The following IQGAP2 variants were observed in gnomAD, a reference collection of about 807,000 sequenced individuals.
IQGAP2 encodes the protein IQ motif containing GTPase activating protein 2.
In IQGAP2, 173 loss-of-function variants were observed where a neutral mutation model predicts 201.3. The ratio of observed to expected loss-of-function variants is 0.86; its 90% confidence interval spans 0.76 to 0.98. The LOEUF (loss-of-function observed/expected upper bound fraction) is 0.98, where lower values mean the gene tolerates loss of function less well. Ranked by LOEUF, IQGAP2 falls within the 50% of genes least tolerant of loss-of-function variation. The probability of loss-of-function intolerance (pLI) is 0.00; values close to 1 mark genes in which losing one functional copy is unlikely to be tolerated. For missense variants in IQGAP2, 1,687 were observed against 1,864.8 expected (o/e 0.90, Z 1.76); for synonymous variants, 675 against 673.9 (o/e 1.00, Z -0.03).
rs113081724 is a variant in IQGAP2 at position 76,642,485 on chromosome 5, C to T, written c.2094+1382C>T. Among the ~76,000 whole-genome samples the T allele has an allele frequency of 1.2e-4, 18 of 152,212 alleles. 1 individual carries two copies. Among genetic ancestry groups the T allele is most frequent in the African/African-American group, 4.3e-4 (18 of 41,532 alleles). On this transcript the variant is annotated intron_variant, in intron 17 of 35. Coordinates refer to ENST00000274364, the MANE Select transcript of IQGAP2 (RefSeq NM_006633.5). ...TTTTTTTCAGTCTTCTGACAATTTTCCAAAACAGAGGGCATGAGGCCTAAA... is the reference window on the plus strand; with the variant it reads ...TTTTTTTCAGTCTTCTGACAATTTTTCAAAACAGAGGGCATGAGGCCTAAA...
chr5:76,645,524 G>A (rs976408325), intron 17 of IQGAP2, among the ~76,000 whole-genome samples: 1 of 152,106 alleles, frequency 6.6e-6, no homozygotes, highest in Non-Finnish European at 1.5e-5. Flanking sequence ...GTTTCCTGAC[G>A]TTTTAATGAT....
Position 76,492,947 on chromosome 5 carries a change from T to C in IQGAP2, c.146+31278T>C, listed in dbSNP as rs150969679. On this transcript the variant is annotated intron_variant, in intron 2 of 35. Coordinates refer to ENST00000274364, the MANE Select transcript of IQGAP2 (RefSeq NM_006633.5). ...CCATAGGAGGTGATAAGGATGCTGG[T>C]TGACTGATATGCGTACCAGCATAGT... 3.9e-3 allele frequency among the ~76,000 whole-genome samples: 589 copies of C among 152,314 alleles called. 6 individuals are homozygous for C. Among genetic ancestry groups the C allele is most frequent in the African/African-American group, 0.013 (545 of 41,568 alleles).
At chr5:76,502,303 T>G (rs911746078) in intron 2 of IQGAP2, among the ~76,000 whole-genome samples, 2 of 152,234 alleles carry the variant, frequency 1.3e-5, no homozygotes, top group African/African-American at 4.8e-5. Context: ...GAAGTATGGC[T>G]GTTATTAAGT....
At chr5:76,580,335 G>A (rs954537473) in intron 5 of IQGAP2, among the ~76,000 whole-genome samples, 4 of 151,192 alleles carry the variant, frequency 2.6e-5, no homozygotes, top group Admixed American at 2.6e-4. Context: ...CTACTCGGGA[G>A]GCTGAGGCAG....
At chr5:76,470,022 A>C (rs926721781) in intron 2 of IQGAP2, among the ~76,000 whole-genome samples, 1 of 152,190 alleles carries the variant, frequency 6.6e-6, no homozygotes, top group Non-Finnish European at 1.5e-5. Flanking sequence ...ACAAAGCTGC[A>C]GTCATCTCAC....
intron 14 of IQGAP2, among the ~76,000 whole-genome samples, chr5:76,628,404 G>A (rs1057181330): frequency 1.3e-5 from 2 of 152,140 alleles, no homozygotes; most frequent in Non-Finnish European, 2.9e-5. Context: ...CCCCACTTCT[G>A]GAGTGCATAA....
Position 76,590,393 on chromosome 5 carries a change from CTCTT to C in IQGAP2, c.641-13_641-10del, listed in dbSNP as rs780165593. On this transcript the variant is annotated splice_polypyrimidine_tract_variant and intron_variant, in intron 7 of 35. Coordinates refer to ENST00000274364, the MANE Select transcript of IQGAP2 (RefSeq NM_006633.5). ...CTGATAAAAACCTTTTTCTCTCTCT[CTCTT>C]TACTTTTTAGTACATGCTGCAGTTA... 3.2e-6 allele frequency: 5 copies of C among 1,574,048 alleles called. No homozygotes were observed. The Admixed American group carries it at 9.4e-5, about 30-fold the overall frequency.
intron 2 of IQGAP2, among the ~76,000 whole-genome samples, chr5:76,463,078 G>A (rs1191133164): frequency 1.3e-5 from 2 of 148,776 alleles, no homozygotes; most frequent in African/African-American, 2.5e-5. Context: ...AGCTGAGATC[G>A]GGCTGCTGCA....
At chr5:76,642,289 T>C (rs1751648076) in intron 17 of IQGAP2, among the ~76,000 whole-genome samples, 1 of 152,110 alleles carries the variant, frequency 6.6e-6, no homozygotes, top group African/African-American at 2.4e-5. Context: ...TTGGAAGATA[T>C]ACCACAGAGC....
At chr5:76,675,429 T>C (rs1257716156) in intron 27 of IQGAP2, among the ~76,000 whole-genome samples, 1 of 152,242 alleles carries the variant, frequency 6.6e-6, no homozygotes. Flanking sequence ...TGTTGATGAT[T>C]GTGTATGTGA....
At chr5:76,538,233 A>T (rs1759739213) in intron 2 of IQGAP2, among the ~76,000 whole-genome samples, 1 of 152,208 alleles carries the variant, frequency 6.6e-6, no homozygotes. Context: ...TCACGAGAAC[A>T]GCACAAGAAA....
intron 1 of IQGAP2, among the ~76,000 whole-genome samples, chr5:76,430,745 A>G (rs566858999): frequency 2.9e-4 from 44 of 152,334 alleles, no homozygotes; most frequent in Non-Finnish European, 5.6e-4. Flanking sequence ...TCAATGAAAG[A>G]TTAGCTTGAG....
At chr5:76,450,124 C>A (rs974619111) in intron 1 of IQGAP2, among the ~76,000 whole-genome samples, 1 of 152,182 alleles carries the variant, frequency 6.6e-6, no homozygotes, top group African/African-American at 2.4e-5. Context: ...AAAATGTTTG[C>A]AGCTTTGTTG....
chr5:76,516,302 A>G (rs145134955), intron 2 of IQGAP2, among the ~76,000 whole-genome samples: 3 of 152,354 alleles, frequency 2.0e-5, no homozygotes, highest in Admixed American at 2.0e-4. Context: ...CATTCTTAAA[A>G]TATTAGGTTG....
chr5:76,577,579 A>G (rs575381621), intron 5 of IQGAP2, among the ~76,000 whole-genome samples: 41 of 152,340 alleles, frequency 2.7e-4, no homozygotes, highest in African/African-American at 9.6e-4. Flanking sequence ...AAATTATTGT[A>G]TAGCTGCCTC....
chr5:76,603,979 A>AC (rs1747612003), intron 11 of IQGAP2, among the ~76,000 whole-genome samples: 1 of 152,102 alleles, frequency 6.6e-6, no homozygotes, highest in Non-Finnish European at 1.5e-5. Flanking sequence ...TTTAAAAAAA[A>AC]TTTTTTTTTA....
rs1021485449 is a variant in IQGAP2 at position 76,609,822 on chromosome 5, A to G, written c.1358-1198A>G. Among the ~76,000 whole-genome samples the G allele has an allele frequency of 2.8e-5, 4 of 142,644 alleles. 1 individual carries two copies. The highest frequency in any genetic ancestry group is 2.3e-4 in the East Asian group (1 of 4,370). 93.6% of individuals were successfully genotyped at this position (142,644 alleles called of 152,430 possible). A position where few individuals can be genotyped will look rare whatever the true frequency, so the allele number is the denominator to read the frequency against. On this transcript the variant is annotated intron_variant, in intron 12 of 35. Transcript: ENST00000274364. ...AAAAGCTCCTTGGCAGTGTGTGTAT[A>G]TGTGTGTTTTATATATATATGTGTG...
intron 10 of IQGAP2, 93 bp downstream of exon 10, chr5:76,597,695 G>A (rs768836308): frequency 1.2e-5 from 16 of 1,316,360 alleles, no homozygotes; most frequent in Non-Finnish European, 1.7e-5. Context: ...ATAGGGATCG[G>A]GGATCTCTAA....
At chr5:76,589,833 C>A in intron 7 of IQGAP2, 105 bp downstream of exon 7, 1 of 554,758 alleles carries the variant, frequency 1.8e-6, no homozygotes, top group Non-Finnish European at 3.1e-6. Flanking sequence ...ATACTTTAAG[C>A]ACCCTAAAAG....
Sources: gnomAD v4.1 joint callset for allele counts (sites outside exome capture counted in the v4.1 genomes callset) on GRCh38, gnomAD v4.1.1 for gene constraint, MANE v1.5 for transcripts, NCBI Gene and HGNC (gene_info 2026-07-23, HGNC 2026-07-21) for gene names.